Variants in RAPGEF6 observed in about 807,000 individuals in gnomAD.
RAPGEF6 encodes PDZ domain containing guanine nucleotide exchange factor (GEF) 2.
RAPGEF6 carries 56 observed loss-of-function variants against 171.4 expected under a neutral mutation model. The observed-to-expected ratio is 0.33, with a 90% CI of 0.26 to 0.41. The LOEUF (loss-of-function observed/expected upper bound fraction) is 0.41, where lower values mean the gene tolerates loss of function less well. Among genes scored for constraint, RAPGEF6 ranks in the 10% least tolerant of loss-of-function variants. The pLI is 1.00. For synonymous variants in RAPGEF6, 692 were observed against 650.1 expected (o/e 1.06, Z -0.98); for missense variants, 1,674 against 1,921.4 (o/e 0.87, Z 2.41).
intron 5 of RAPGEF6, among the ~76,000 whole-genome samples, chr5:131,549,713 T>C (rs1373244472): frequency 6.6e-6 from 1 of 151,920 alleles, no homozygotes; most frequent in Admixed American, 6.6e-5. Flanking sequence ...ATATGGTCTC[T>C]CTCTTTTTTT....
intron 26 of RAPGEF6, 152 bp downstream of exon 26, chr5:131,430,707 A>T (rs761421355): frequency 6.2e-6 from 7 of 1,121,842 alleles, no homozygotes; most frequent in Admixed American, 1.7e-5. Context: ...GAAACCATGA[A>T]TTTTTGGGAA....
rs895131110 is a variant in RAPGEF6 at position 131,508,070 on chromosome 5, C to T, written c.942+1G>A. On this transcript the variant is annotated splice_donor_variant, in intron 9 of 27. Coordinates refer to ENST00000509018, the MANE Select transcript of RAPGEF6 (RefSeq NM_016340.6). LOFTEE classifies it high-confidence loss of function. ...TGTATGTAATTTATTTATTGACCTA[C>T]CTCTTGCCCATCTTCAAGAATAATA... The T allele has an allele frequency of 6.3e-7, 1 of 1,597,590 alleles. No individual in the cohort carries two copies. Among genetic ancestry groups the T allele is most frequent in the African/African-American group, 1.3e-5 (1 of 74,124 alleles).
chr5:131,466,381 T>C (rs1754347815), intron 17 of RAPGEF6, among the ~76,000 whole-genome samples: 1 of 152,210 alleles, frequency 6.6e-6, no homozygotes. Flanking sequence ...ATCAGGTTTT[T>C]AAACCTACAA....
chr5:131,451,165 G>A (rs1753039049), intron 21 of RAPGEF6, among the ~76,000 whole-genome samples: 1 of 152,196 alleles, frequency 6.6e-6, no homozygotes, highest in Non-Finnish European at 1.5e-5. Context: ...TTCATTACAT[G>A]TAGTGATTTT....
intron 15 of RAPGEF6, among the ~76,000 whole-genome samples, chr5:131,488,365 A>AC (rs1580904516): frequency 6.6e-6 from 1 of 152,326 alleles, no homozygotes; most frequent in East Asian, 1.9e-4. Flanking sequence ...AAACCTAGGA[A>AC]ATAGTGCTAG....
chr5:131,518,636 T>C (rs1369670680), intron 7 of RAPGEF6, among the ~76,000 whole-genome samples: 1 of 152,120 alleles, frequency 6.6e-6, no homozygotes, highest in East Asian at 1.9e-4. Context: ...CCTCAGGTGA[T>C]CCGCCCACCT....
rs2149847620 is a variant in RAPGEF6, at chr5:131,472,620, T to C, written c.2206A>G (p.Thr736Ala). 1 of 1,614,076 alleles carries C rather than the reference T, an allele frequency of 6.2e-7. No individual in the cohort carries two copies. The highest frequency in any genetic ancestry group is 8.5e-7 in the Non-Finnish European group (1 of 1,179,936). ...SSSSPDLLQP[T>A]TSMLDFSNPS... is the part of the protein sequence containing the mutation. ...TTGGAAAAATCCAACATACTGGTGG[T>C]AGGCTGCAGGAGATCAGGGCTGCTG... is the stretch of plus-strand genomic sequence containing the variant. The change falls in exon 17 of 28, where the codon ACC becomes GCC. Residue 736 changes from threonine to alanine, a missense_variant. Transcript: ENST00000509018.
intron 3 of RAPGEF6, 121 bp from the exon 4 acceptor site, chr5:131,592,587 T>G: frequency 7.0e-7 from 1 of 1,438,316 alleles, no homozygotes; most frequent in Non-Finnish European, 9.2e-7. Flanking sequence ...TAACACTACC[T>G]GGAAATTTGG....
chr5:131,592,142 CA>C (rs1379965843), intron 4 of RAPGEF6, among the ~76,000 whole-genome samples: 1 of 152,156 alleles, frequency 6.6e-6, no homozygotes, highest in Non-Finnish European at 1.5e-5. Flanking sequence ...AGGTGTGAGC[CA>C]CCGTGCCCAG....
At chr5:131,433,104 AC>A (rs1349960842) in intron 25 of RAPGEF6, among the ~76,000 whole-genome samples, 2 of 152,068 alleles carry the variant, frequency 1.3e-5, no homozygotes, top group Non-Finnish European at 2.9e-5. Flanking sequence ...CCAAAACACA[AC>A]CTTTTTGATT....
intron 4 of RAPGEF6, among the ~76,000 whole-genome samples, chr5:131,563,411 C>T (rs1761730205): frequency 6.6e-6 from 1 of 151,994 alleles, no homozygotes; most frequent in South Asian, 2.1e-4. Flanking sequence ...TGTCAATTTC[C>T]CAAAGTATAA....
intron 19 of RAPGEF6, among the ~76,000 whole-genome samples, chr5:131,458,350 T>C (rs1349353155): frequency 1.3e-5 from 2 of 152,194 alleles, no homozygotes; most frequent in African/African-American, 4.8e-5. Flanking sequence ...TCTGCTGCCA[T>C]GTAAGACACG....
Position 131,635,174 on chromosome 5 carries a change from C to A in RAPGEF6, c.-144G>T. ...AAGGTCCGAACTCTAGCAAACAACC[C>A]TTCGCAACGCCCGCCTAAGGCCTCT... On this transcript the variant is annotated 5_prime_UTR_variant, in exon 1 of 28. In the 5' UTR this introduces an upstream ATG that the reference lacks. Transcript: ENST00000509018. 1 of 815,506 alleles carries A rather than the reference C, an allele frequency of 1.2e-6. No homozygotes were observed. The highest frequency in any genetic ancestry group is 1.8e-5 in the South Asian group (1 of 54,534). 50.5% of individuals were successfully genotyped at this position (815,506 alleles called of 1,614,324 possible). A position where few individuals can be genotyped will look rare whatever the true frequency, so the allele number is the denominator to read the frequency against.
chr5:131,430,730 T>A (rs1458607946), intron 26 of RAPGEF6, 129 bp downstream of exon 26: 1 of 1,287,370 alleles, frequency 7.8e-7, no homozygotes, highest in Non-Finnish European at 1.1e-6. Context: ...AACTTGTTTG[T>A]TTGTGAAGGA....
intron 4 of RAPGEF6, among the ~76,000 whole-genome samples, chr5:131,575,813 G>C (rs1762572045): frequency 6.6e-6 from 1 of 152,040 alleles, no homozygotes; most frequent in Non-Finnish European, 1.5e-5. Context: ...CAGGAATCAG[G>C]CCCATGACCT....
At chr5:131,507,778 T>C (rs1185348772) in intron 9 of RAPGEF6, among the ~76,000 whole-genome samples, 5 of 152,206 alleles carry the variant, frequency 3.3e-5, no homozygotes, top group African/African-American at 1.2e-4. Context: ...ATCTATTTCA[T>C]CTATTTAAAT....
intron 4 of RAPGEF6, among the ~76,000 whole-genome samples, chr5:131,578,800 A>T (rs1175979677): frequency 6.6e-6 from 1 of 152,190 alleles, no homozygotes; most frequent in Non-Finnish European, 1.5e-5. Flanking sequence ...AAACTAAAAA[A>T]CATTAGCAGT....
chr5:131,557,555 G>A (rs1761317183), intron 5 of RAPGEF6, among the ~76,000 whole-genome samples: 1 of 151,908 alleles, frequency 6.6e-6, no homozygotes, highest in African/African-American at 2.4e-5. Context: ...TTTTTCCCCT[G>A]CCTAAATGCA....
In RAPGEF6 at chr5:131,435,880, GTTTAA is replaced by G. The variant is rs1362864530; in HGVS notation, c.3746-2227_3746-2223del. On this transcript the variant is annotated intron_variant, in intron 24 of 27. Coordinates refer to ENST00000509018, the MANE Select transcript of RAPGEF6 (RefSeq NM_016340.6). ...TTGTCTGCCTAAGCTTTGACAAATG[GTTTAA>G]TTTAAGCCATGTATACATTAATAAC... 3.2e-5 allele frequency: 47 copies of G among 1,446,832 alleles called. No individual in the cohort carries two copies. In the African/African-American group the frequency reaches 5.6e-4, roughly 17 times the overall value. The allele number at this position is 1,446,832 out of a possible 1,614,324, so 89.6% of individuals were successfully genotyped here.
Sources: gnomAD v4.1 joint callset for allele counts (sites outside exome capture counted in the v4.1 genomes callset) on GRCh38, gnomAD v4.1.1 for gene constraint, MANE v1.5 for transcripts, NCBI Gene and HGNC (gene_info 2026-07-23, HGNC 2026-07-21) for gene names.